The following PCDHGA1 variants were observed in gnomAD, a reference collection of about 807,000 sequenced individuals.
PCDHGA1 encodes protocadherin gamma-A1.
PCDHGA1 carries 32 observed loss-of-function variants against 58.0 expected under a neutral mutation model. The ratio of observed to expected loss-of-function variants is 0.55; its 90% confidence interval spans 0.42 to 0.74. The LOEUF is 0.74. Ranked by LOEUF, PCDHGA1 falls within the 30% of genes least tolerant of loss-of-function variation. The pLI, the probability that PCDHGA1 is intolerant of heterozygous loss-of-function variation, is 0.00. For synonymous variants in PCDHGA1, 498 were observed against 501.1 expected, an observed-to-expected ratio of 0.99 and a Z score of 0.08; for missense variants, 1,205 against 1,182.3, an observed-to-expected ratio of 1.02 and a Z score of -0.28.
At chr5:141,344,330 C>A (rs1203905820) in intron 1 of PCDHGA1, 1 of 1,613,948 alleles carries the variant, frequency 6.2e-7, no homozygotes, top group Non-Finnish European at 8.5e-7. Flanking sequence ...GCGCTCAGAT[C>A]CCGCTGTGTC....
rs765809429 is a variant in PCDHGA1 at position 141,511,205 on chromosome 5, C to A, written c.*32C>A. On this transcript the variant is annotated 3_prime_UTR_variant, in exon 4 of 4. Coordinates refer to ENST00000517417, the MANE Select transcript of PCDHGA1 (RefSeq NM_018912.3). ...GGCCAGGCCAAGAGCCACAGGGCGGCCTCTCCCCAACCAGCCCAGCTTCTC... is the reference window on the plus strand; with the variant it reads ...GGCCAGGCCAAGAGCCACAGGGCGGACTCTCCCCAACCAGCCCAGCTTCTC... 4.3e-6 allele frequency: 7 copies of A among 1,611,426 alleles called. No homozygotes were observed. The Admixed American group carries it at 6.7e-5, about 15-fold the overall frequency.
chr5:141,491,578 C>G lies in PCDHGA1; in HGVS notation c.2422-3229C>G, dbSNP rs1438933474. ...CCACTGCTACAGGACGTGCTTTTCA[C>G]CGGCCTCGGACGGCAGTGACTTCAC... On this transcript the variant is annotated intron_variant, in intron 1 of 3. Transcript: ENST00000517417. This position sits in a 1 kb window ranked among gnomAD's most constrained non-coding sequence, Gnocchi z 6.9. The G allele has an allele frequency of 1.9e-6, 3 of 1,614,006 alleles. No individual in the cohort carries two copies. Among genetic ancestry groups the G allele is most frequent in the Non-Finnish European group, 2.5e-6 (3 of 1,180,036 alleles).
intron 1 of PCDHGA1, chr5:141,404,914 C>T (rs1423848318): frequency 1.2e-6 from 2 of 1,613,948 alleles, no homozygotes; most frequent in Non-Finnish European, 1.7e-6. Flanking sequence ...AGCCCCCTCT[C>T]TCGGCCACTG....
At chr5:141,508,879 G>A (rs2547559) in intron 3 of PCDHGA1, among the ~76,000 whole-genome samples, 2 of 152,070 alleles carry the variant, frequency 1.3e-5, no homozygotes, top group East Asian at 3.9e-4. Context: ...AGAGGCTGAC[G>A]GCTGGAGGGG....
At chr5:141,338,294 A>G (rs895422938) in intron 1 of PCDHGA1, among the ~76,000 whole-genome samples, 3 of 152,250 alleles carry the variant, frequency 2.0e-5, no homozygotes, top group Admixed American at 6.5e-5. Flanking sequence ...ACATGTACCC[A>G]ATTAAGTGTC....
At chr5:141,445,767 T>C (rs2098476828) in intron 1 of PCDHGA1, among the ~76,000 whole-genome samples, 1 of 152,142 alleles carries the variant, frequency 6.6e-6, no homozygotes, top group African/African-American at 2.4e-5. Flanking sequence ...ACTCAAGCAA[T>C]TTAAAAGGGC....
Position 141,333,327 on chromosome 5 carries a change from G to T in PCDHGA1, c.2421+222G>T. 6.7e-6 allele frequency: 5 copies of T among 745,428 alleles called. No homozygotes were observed. In the South Asian group the frequency reaches 7.8e-5, roughly 12 times the overall value. The allele number at this position is 745,428 out of a possible 1,614,324, so 46.2% of individuals were successfully genotyped here. A position where few individuals can be genotyped will look rare whatever the true frequency, so the allele number is the denominator to read the frequency against. On this transcript the variant is annotated intron_variant, in intron 1 of 3. Transcript: ENST00000517417. ...AGGAGACTGTGATCATAATGTAGGT[G>T]GTTGGGTTGAAGGTATGTGTGAGAT...
chr5:141,385,209 C>G (rs375927473), intron 1 of PCDHGA1: 95 of 1,614,118 alleles, frequency 5.9e-5, no homozygotes, highest in Non-Finnish European at 7.8e-5. Context: ...ACCTGATCTT[C>G]CCCCAGCCCA....
rs1235801833 is a variant in PCDHGA1, at chr5:141,346,253, T to A, written c.2421+13148T>A. Reference sequence around the variant, plus strand: ...TGGCGAGTACGCCCGGCTCGCACTTTGTGGGCGCGGACGGGGTTCGGGCTT... The same window carrying A: ...TGGCGAGTACGCCCGGCTCGCACTTAGTGGGCGCGGACGGGGTTCGGGCTT... On this transcript the variant is annotated intron_variant, in intron 1 of 3. Coordinates refer to ENST00000517417, the MANE Select transcript of PCDHGA1 (RefSeq NM_018912.3). 2 of 1,614,186 alleles carry A rather than the reference T, an allele frequency of 1.2e-6. No homozygotes were observed. The highest frequency in any genetic ancestry group is 4.5e-5 in the East Asian group (2 of 44,870).
At chr5:141,434,453 T>C (rs1172243323) in intron 1 of PCDHGA1, among the ~76,000 whole-genome samples, 1 of 152,226 alleles carries the variant, frequency 6.6e-6, no homozygotes, top group Non-Finnish European at 1.5e-5. Context: ...TGGAAGGTAG[T>C]GGGTTTACCG....
intron 1 of PCDHGA1, among the ~76,000 whole-genome samples, chr5:141,443,210 G>A (rs142248407): frequency 3.2e-4 from 49 of 151,888 alleles, no homozygotes; most frequent in African/African-American, 9.4e-4. Context: ...AGCTTGTCTC[G>A]CCAGGCGCAT....
chr5:141,412,976 A>C (rs2095594590), intron 1 of PCDHGA1: 1 of 535,900 alleles, frequency 1.9e-6, no homozygotes. Context: ...GAGAAAACGC[A>C]GCCAGAGCTC....
rs2154581798 is a variant in PCDHGA1, at chr5:141,489,799, G to T, written c.2422-5008G>T. 1 of 1,614,192 alleles carries T rather than the reference G, an allele frequency of 6.2e-7. No homozygotes were observed. The highest frequency in any genetic ancestry group is 2.2e-5 in the East Asian group (1 of 44,884). On this transcript the variant is annotated intron_variant, in intron 1 of 3. Coordinates refer to ENST00000517417, the MANE Select transcript of PCDHGA1 (RefSeq NM_018912.3). The surrounding 1 kb of genome is among the most constrained non-coding windows in gnomAD (Gnocchi z 4.5). Reference sequence around the variant, plus strand: ...CTCTCTGAATGTGAAGACCCTAAAAGATGGGAAGCCATTCCCAGAGCTGGT... The same window carrying T: ...CTCTCTGAATGTGAAGACCCTAAAATATGGGAAGCCATTCCCAGAGCTGGT...
chr5:141,376,178 G>A (rs1249141559), intron 1 of PCDHGA1: 1 of 1,614,106 alleles, frequency 6.2e-7, no homozygotes, highest in Non-Finnish European at 8.5e-7. Context: ...GGCGGTGGCC[G>A]CGGTCTCCTG....
At chr5:141,344,094 G>A in intron 1 of PCDHGA1, 1 of 1,613,658 alleles carries the variant, frequency 6.2e-7, no homozygotes, top group South Asian at 1.1e-5. Context: ...CGCGCTCCTG[G>A]GGACGCTGTG....
At chr5:141,452,528 A>T (rs1592223895) in intron 1 of PCDHGA1, among the ~76,000 whole-genome samples, 1 of 152,206 alleles carries the variant, frequency 6.6e-6, no homozygotes, top group African/African-American at 2.4e-5. Flanking sequence ...CAAAATCGTG[A>T]GTTCATATTG....
At chr5:141,338,757 T>A in intron 1 of PCDHGA1, 1 of 1,229,584 alleles carries the variant, frequency 8.1e-7, no homozygotes, top group Non-Finnish European at 1.0e-6. Context: ...CAGCGAGACA[T>A]CCAATCCAGC....
chr5:141,428,176 A>G (rs751446929), intron 1 of PCDHGA1: 21 of 1,507,402 alleles, frequency 1.4e-5, no homozygotes, highest in Non-Finnish European at 1.9e-5. Context: ...TGCGTGACGG[A>G]GGACAGCCGC....
chr5:141,441,057 A>T (rs2098222263), intron 1 of PCDHGA1: 2 of 152,152 alleles, frequency 1.3e-5, no homozygotes, highest in South Asian at 4.1e-4. Flanking sequence ...ACTTTTAAAG[A>T]TTTTTAATTT....
Sources: allele counts gnomAD v4.1 joint callset (sites outside exome capture counted in the v4.1 genomes callset), GRCh38; gene constraint gnomAD v4.1.1; non-coding constraint Gnocchi (gnomAD v3.1); transcripts MANE v1.5; gene names NCBI Gene and HGNC (gene_info 2026-07-23, HGNC 2026-07-21).